The following KHDRBS1 variants were observed in gnomAD, a reference collection of about 807,000 sequenced individuals.
The protein encoded by KHDRBS1 is KH domain-containing, RNA-binding, signal transduction-associated protein 1.
Under a neutral mutation model 48.4 loss-of-function variants are expected in KHDRBS1, and 7 were observed. The ratio of observed to expected loss-of-function variants is 0.14; its 90% CI spans 0.08 to 0.27. The LOEUF (loss-of-function observed/expected upper bound fraction) is 0.27. Among genes scored for constraint, KHDRBS1 ranks in the 10% least tolerant of loss-of-function variants. KHDRBS1 has a pLI of 1.00. For synonymous variants in KHDRBS1, 241 were observed against 235.8 expected, an observed-to-expected ratio of 1.02 and a Z score of -0.20; for missense variants, 458 against 601.2, an observed-to-expected ratio of 0.76 and a Z score of 2.49.
chr1:32,042,814 A>T lies in KHDRBS1; in HGVS notation c.*190A>T, dbSNP rs1004667594. 3 of 434,602 alleles carry T rather than the reference A, an allele frequency of 6.9e-6. No homozygotes were observed. The highest frequency in any genetic ancestry group is 5.9e-5 in the African/African-American group (3 of 50,828). 26.9% of individuals were successfully genotyped at this position (434,602 alleles called of 1,614,324 possible). ...TTCTGGCTTCTGTATGTAGTATTTT[A>T]AAATGAGTTAAAATAGATTTAGGAA... is the stretch of plus-strand genomic sequence containing the variant. On this transcript the variant is annotated 3_prime_UTR_variant, in exon 9 of 9. Coordinates refer to ENST00000327300, the MANE Select transcript of KHDRBS1 (RefSeq NM_006559.3).
chr1:32,014,588 A>T (rs796937071), intron 1 of KHDRBS1, among the ~76,000 whole-genome samples: 1 of 152,146 alleles, frequency 6.6e-6, no homozygotes, highest in Admixed American at 6.5e-5. Flanking sequence ...CCCGAAGGCG[A>T]CTTTGCGATC....
At chr1:32,056,514 CTCTT>C (rs1639481703) in intron 10 of KHDRBS1, among the ~76,000 whole-genome samples, 1 of 152,182 alleles carries the variant, frequency 6.6e-6, no homozygotes, top group Non-Finnish European at 1.5e-5. Context: ...GGTATCCAGT[CTCTT>C]TCTTCTAGGC....
At chr1:32,060,726 G>GTT (rs1235689735) in exon 11 of KHDRBS1, 1 of 152,132 alleles carries the variant, frequency 6.6e-6, no homozygotes, top group Non-Finnish European at 1.5e-5. Context: ...TCTCTTCATT[G>GTT]TTTATTACTT....
Position 32,013,993 on chromosome 1 carries a change from C to A in KHDRBS1, c.-3C>A. 6.6e-7 allele frequency: 1 copy of A among 1,511,974 alleles called. No homozygotes were observed. The highest frequency in any genetic ancestry group is 8.8e-7 in the Non-Finnish European group (1 of 1,141,654). The allele number at this position is 1,511,974 out of a possible 1,614,324, so 93.7% of individuals were successfully genotyped here. On this transcript the variant is annotated 5_prime_UTR_variant, in exon 1 of 9. Coordinates refer to ENST00000327300, the MANE Select transcript of KHDRBS1 (RefSeq NM_006559.3). ...TCGCTCCTTGGATCGCACATCCTCC[C>A]AGATGCAGCGCCGGGACGACCCCGC...
chr1:32,028,349 G>A (rs924820551), intron 1 of KHDRBS1, among the ~76,000 whole-genome samples: 21 of 151,756 alleles, frequency 1.4e-4, no homozygotes, highest in African/African-American at 5.1e-4. Context: ...TGATTGTGAT[G>A]CATGAAGAAG....
chr1:32,014,968 C>T (rs1180545283), intron 1 of KHDRBS1, among the ~76,000 whole-genome samples: 1 of 152,116 alleles, frequency 6.6e-6, no homozygotes, highest in African/African-American at 2.4e-5. Flanking sequence ...TTGAGGTTTC[C>T]GAATCAGATT....
rs186066564 is a variant in KHDRBS1, at chr1:32,057,084, T to A, written n.1302-3079T>A. On this transcript the variant is annotated intron_variant and non_coding_transcript_variant, in intron 10 of 10. Transcript: ENST00000484270. ...TTAAGCCAACATATAAAGGAGGACTTAGCTAGGCAGAGGGCTTGGGGAAAG... is the reference window on the plus strand; with the variant it reads ...TTAAGCCAACATATAAAGGAGGACTAAGCTAGGCAGAGGGCTTGGGGAAAG... Among the ~76,000 whole-genome samples the A allele has an allele frequency of 3.3e-5, 5 of 152,316 alleles. No homozygotes were observed. The East Asian group carries it at 7.7e-4, about 23-fold the overall frequency.
chr1:32,016,067 A>G (rs1415162092), intron 1 of KHDRBS1, among the ~76,000 whole-genome samples: 11 of 152,060 alleles, frequency 7.2e-5, no homozygotes, highest in African/African-American at 2.4e-4. Context: ...GATCCCAGCT[A>G]CTTTGGAAGC....
chr1:32,022,715 C>A (rs986749388), intron 1 of KHDRBS1, among the ~76,000 whole-genome samples: 5 of 151,954 alleles, frequency 3.3e-5, no homozygotes, highest in Non-Finnish European at 7.4e-5. Flanking sequence ...ACGGTGAAAC[C>A]CCGTCTCTAC....
At chr1:32,029,100 T>C (rs895057633) in intron 1 of KHDRBS1, among the ~76,000 whole-genome samples, 10 of 152,136 alleles carry the variant, frequency 6.6e-5, no homozygotes, top group Non-Finnish European at 1.5e-4. Flanking sequence ...CTCCATACTA[T>C]AGGAAGCACT....
chr1:32,017,523 A>G (rs1433123713), intron 1 of KHDRBS1, among the ~76,000 whole-genome samples: 1 of 151,790 alleles, frequency 6.6e-6, no homozygotes, highest in Non-Finnish European at 1.5e-5. Flanking sequence ...TGGAAGAGAA[A>G]TAATTTACCT....
At position 32,024,702 on chromosome 1, in the gene KHDRBS1, G is replaced by A. The variant is rs75579461; in HGVS notation, c.383-5596G>A. Reference sequence around the variant, plus strand: ...AGAGATAGTTATTTAACCTCTTTGAGTTTTTGTTGCCTCAGATGTAAGTAA... The same window carrying A: ...AGAGATAGTTATTTAACCTCTTTGAATTTTTGTTGCCTCAGATGTAAGTAA... On this transcript the variant is annotated intron_variant, in intron 1 of 8. Transcript: ENST00000327300. Among the ~76,000 whole-genome samples, 812 of 152,104 alleles carry A rather than the reference G, an allele frequency of 5.3e-3. 2 individuals are homozygous for A. The highest frequency in any genetic ancestry group is 9.2e-3 in the Non-Finnish European group (623 of 67,998).
chr1:32,028,858 A>G (rs1174384986), intron 1 of KHDRBS1, among the ~76,000 whole-genome samples: 1 of 149,830 alleles, frequency 6.7e-6, no homozygotes, highest in Non-Finnish European at 1.5e-5. Context: ...TTCAGTTGCT[A>G]CTCATCCTTG....
At chr1:32,044,879 C>T (rs1639339703), downstream of KHDRBS1, among the ~76,000 whole-genome samples, 1 of 152,150 alleles carries the variant, frequency 6.6e-6, no homozygotes, top group Non-Finnish European at 1.5e-5. Context: ...ACTGTGACAG[C>T]AACTTGCATA....
At chr1:32,014,483 G>T in intron 1 of KHDRBS1, 106 bp downstream of exon 1, 1 of 1,150,710 alleles carries the variant, frequency 8.7e-7, no homozygotes, top group Non-Finnish European at 1.1e-6. Flanking sequence ...GAGGCAGTCG[G>T]GAGTTCCGGT....
At chr1:32,039,144 A>T (rs1639237972) in intron 7 of KHDRBS1, among the ~76,000 whole-genome samples, 2 of 152,298 alleles carry the variant, frequency 1.3e-5, no homozygotes, top group South Asian at 4.1e-4. Flanking sequence ...GTCCATATAT[A>T]TAGCTTACCT....
intron 10 of KHDRBS1, among the ~76,000 whole-genome samples, chr1:32,057,815 G>A (rs1322358803): frequency 6.8e-6 from 1 of 146,532 alleles, no homozygotes; most frequent in Non-Finnish European, 1.5e-5. Flanking sequence ...AAAAAAGAGA[G>A]AGAGAGATGG....
downstream of KHDRBS1, among the ~76,000 whole-genome samples, chr1:32,044,085 C>T (rs1569815870): frequency 6.6e-6 from 1 of 151,990 alleles, no homozygotes; most frequent in African/African-American, 2.4e-5. Context: ...GCTTTTTCAC[C>T]CCCTGGAAGT....
At chr1:32,019,541 A>AAAG (rs1638814430) in intron 1 of KHDRBS1, among the ~76,000 whole-genome samples, 3 of 152,130 alleles carry the variant, frequency 2.0e-5, no homozygotes, top group African/African-American at 7.2e-5. Context: ...AAAAAAAACA[A>AAAG]AAAGAAAGAA....
Sources: allele counts gnomAD v4.1 joint callset (sites outside exome capture counted in the v4.1 genomes callset), GRCh38; gene constraint gnomAD v4.1.1; transcripts MANE v1.5; gene names NCBI Gene and HGNC (gene_info 2026-07-23, HGNC 2026-07-21).